Variants in FGGY observed in about 807,000 individuals in gnomAD.
FGGY encodes FGGY carbohydrate kinase domain-containing protein.
Under a neutral mutation model 71.3 loss-of-function variants are expected in FGGY, and 72 were observed. That is an observed-to-expected ratio of 1.01 (90% CI 0.84 to 1.23). FGGY has a LOEUF of 1.23. FGGY is among the 50% of genes most tolerant of loss of function. FGGY has a pLI of 0.00. For synonymous variants in FGGY, 251 were observed against 250.3 expected, an observed-to-expected ratio of 1.00 and a Z score of -0.02; for missense variants, 668 against 682.3, an observed-to-expected ratio of 0.98 and a Z score of 0.23.
intron 11 of FGGY, chr1:59,641,450 G>T (rs117895423): frequency 4.2e-6 from 4 of 955,840 alleles, no homozygotes; most frequent in East Asian, 2.5e-5. Flanking sequence ...GTAATACAAA[G>T]AAAACAGAAA....
At position 59,534,684 on chromosome 1, in the gene FGGY, CT is replaced by C. The variant is rs1321065428; in HGVS notation, c.800-19438del. Among the ~76,000 whole-genome samples the C allele has an allele frequency of 5.3e-4, 80 of 151,962 alleles. 2 individuals carry two copies. The highest frequency in any genetic ancestry group is 4.5e-3 in the Admixed American group (68 of 15,270). ...AGAGTGGGGGCCAATATTCAACATT[CT>C]TAAAGAAAAGAATTTTCAACCCAGA... On this transcript the variant is annotated intron_variant, in intron 7 of 15. Coordinates refer to ENST00000303721, the MANE Select transcript of FGGY (RefSeq NM_018291.5).
At chr1:59,607,442 G>A (rs1405961777) in intron 8 of FGGY, among the ~76,000 whole-genome samples, 1 of 152,216 alleles carries the variant, frequency 6.6e-6, no homozygotes, top group African/African-American at 2.4e-5. Context: ...GGGGTAGGGA[G>A]ATAGACCCAC....
At chr1:59,465,254 C>A (rs1180537303) in intron 6 of FGGY, among the ~76,000 whole-genome samples, 1 of 152,102 alleles carries the variant, frequency 6.6e-6, no homozygotes, top group African/African-American at 2.4e-5. Context: ...GAACCAAAGA[C>A]AAAAACCACA....
chr1:59,537,782 C>G (rs937315872), intron 7 of FGGY, among the ~76,000 whole-genome samples: 3 of 152,108 alleles, frequency 2.0e-5, no homozygotes, highest in Non-Finnish European at 4.4e-5. Context: ...GCTGGGAAAA[C>G]TGGCTAGCCA....
At chr1:59,655,427 T>TCCACC (rs570571328) in intron 11 of FGGY, among the ~76,000 whole-genome samples, 58 of 117,900 alleles carry the variant, frequency 4.9e-4, no homozygotes, top group African/African-American at 1.8e-3. Flanking sequence ...CTCCCTCCCC[T>TCCACC]CCACCCCACC....
chr1:59,300,321 A>G (rs774061897), intron 1 of FGGY, among the ~76,000 whole-genome samples: 29 of 152,160 alleles, frequency 1.9e-4, no homozygotes, highest in Non-Finnish European at 3.7e-4. Context: ...TCTTTCGTCC[A>G]TTTTAAAAAA....
intron 8 of FGGY, among the ~76,000 whole-genome samples, chr1:59,586,199 A>T (rs1432285902): frequency 6.6e-6 from 1 of 152,334 alleles, no homozygotes; most frequent in East Asian, 1.9e-4. Flanking sequence ...TACTATAAAG[A>T]CACATGCACA....
At chr1:59,455,852 G>A (rs1337258572) in intron 5 of FGGY, among the ~76,000 whole-genome samples, 1 of 152,188 alleles carries the variant, frequency 6.6e-6, no homozygotes, top group African/African-American at 2.4e-5. Context: ...CCCAACAGAT[G>A]GGGGTAGGGC....
intron 8 of FGGY, among the ~76,000 whole-genome samples, chr1:59,602,420 T>C (rs1033912273): frequency 8.5e-5 from 13 of 152,230 alleles, no homozygotes; most frequent in South Asian, 4.1e-4. Context: ...ATTATTTCTA[T>C]ATGATTTATT....
intron 4 of FGGY, among the ~76,000 whole-genome samples, chr1:59,358,849 A>G (rs2054854087): frequency 6.6e-6 from 1 of 152,236 alleles, no homozygotes; most frequent in South Asian, 2.1e-4. Flanking sequence ...CAAATCTTCT[A>G]TCCCATTTAT....
At position 59,473,540 on chromosome 1, in the gene FGGY, A is replaced by T. The variant is rs12048006; in HGVS notation, c.670+16464A>T. ...AAATGGCTTCCAAGGCAGAAGAAAC[A>T]GTGCAGGCACAGACATGGAGGCATG... On this transcript the variant is annotated intron_variant, in intron 6 of 15. Transcript: ENST00000303721. 5.4e-3 allele frequency among the ~76,000 whole-genome samples: 819 copies of T among 152,320 alleles called. 67 individuals carry two copies. The East Asian group carries it at 0.15, about 27-fold the overall frequency.
chr1:59,571,985 A>G (rs1318775566), intron 8 of FGGY, among the ~76,000 whole-genome samples: 2 of 152,222 alleles, frequency 1.3e-5, no homozygotes, highest in African/African-American at 4.8e-5. Context: ...GACACTGGTG[A>G]ATTAGATGGC....
At chr1:59,313,957 ATTTTTTTTTTC>A (rs1208776256) in intron 1 of FGGY, among the ~76,000 whole-genome samples, 1 of 149,692 alleles carries the variant, frequency 6.7e-6, no homozygotes, top group Non-Finnish European at 1.5e-5. Flanking sequence ...ACCTACGGAA[ATTTTTTTTTTC>A]TTTTTTTTTT....
In FGGY at chr1:59,467,637, G is replaced by T. The variant is rs964960317; in HGVS notation, c.670+10561G>T. 2.6e-5 allele frequency among the ~76,000 whole-genome samples: 4 copies of T among 151,480 alleles called. No homozygotes were observed. The East Asian group carries it at 5.8e-4, about 22-fold the overall frequency. Reference sequence around the variant, plus strand: ...GTTACTACAATAATTGTCTTTTACTGCCTCTACTTCCTATGATGACATTAC... The same window carrying T: ...GTTACTACAATAATTGTCTTTTACTTCCTCTACTTCCTATGATGACATTAC... On this transcript the variant is annotated intron_variant, in intron 6 of 15. Transcript: ENST00000303721.
At chr1:59,622,841 T>G (rs2153836431) in intron 9 of FGGY, among the ~76,000 whole-genome samples, 1 of 152,336 alleles carries the variant, frequency 6.6e-6, no homozygotes, top group East Asian at 1.9e-4. Context: ...AGTACTGTTT[T>G]TTCCTTCCTT....
intron 1 of FGGY, among the ~76,000 whole-genome samples, chr1:59,300,162 A>G (rs2042545943): frequency 6.6e-6 from 1 of 152,172 alleles, no homozygotes; most frequent in African/African-American, 2.4e-5. Context: ...CTACGTATTG[A>G]GAGTGTCTAA....
chr1:59,332,192 T>C (rs2048621829), intron 2 of FGGY, among the ~76,000 whole-genome samples: 1 of 152,086 alleles, frequency 6.6e-6, no homozygotes, highest in Non-Finnish European at 1.5e-5. Context: ...CAAATATTTG[T>C]TTGCTGCCCC....
Position 59,426,827 on chromosome 1 carries a change from A to G in FGGY, c.555-30134A>G, listed in dbSNP as rs537073973. 4.0e-5 allele frequency among the ~76,000 whole-genome samples: 6 copies of G among 151,690 alleles called. No homozygotes were observed. In the East Asian group the frequency reaches 1.2e-3, roughly 29 times the overall value. ...AATGGATGGATGAGATGGTTGTAGC[A>G]ATCTAAGTTGCTTTGGATGAGATTA... On this transcript the variant is annotated intron_variant, in intron 5 of 15. Transcript: ENST00000303721.
Position 59,381,285 on chromosome 1 carries a change from G to A in FGGY, c.554+2448G>A, listed in dbSNP as rs746177085. Among the ~76,000 whole-genome samples, 15 of 152,232 alleles carry A rather than the reference G, an allele frequency of 9.9e-5. No individual in the cohort carries two copies. In the South Asian group the frequency reaches 1.2e-3, roughly 13 times the overall value. On this transcript the variant is annotated intron_variant, in intron 5 of 15. Transcript: ENST00000303721. ...GTCTTGGCAATGTGGGCTCGTTTTC[G>A]GTTCCATGTGAACTTTAAAGTAGTT...
Sources: allele counts gnomAD v4.1 joint callset (sites outside exome capture counted in the v4.1 genomes callset), GRCh38; gene constraint gnomAD v4.1.1; transcripts MANE v1.5; gene names NCBI Gene and HGNC (gene_info 2026-07-23, HGNC 2026-07-21).